The following AP3B1 variants were observed in gnomAD, a reference collection of about 807,000 sequenced individuals.
AP3B1 encodes AP-3 complex subunit beta-1.
In AP3B1, 61 loss-of-function variants were observed where a neutral mutation model predicts 132.5. The ratio of observed to expected loss-of-function variants is 0.46; its 90% confidence interval spans 0.37 to 0.57. The LOEUF (loss-of-function observed/expected upper bound fraction) is 0.57, where lower values mean the gene tolerates loss of function less well. Ranked by LOEUF, AP3B1 falls within the 20% of genes least tolerant of loss-of-function variation. The pLI is 0.00. For missense variants in AP3B1, 1,120 were observed against 1,289.4 expected (o/e 0.87, Z 2.01); for synonymous variants, 388 against 438.3 (o/e 0.89, Z 1.43).
At chr5:78,252,257 C>T (rs1747669477) in intron 2 of AP3B1, among the ~76,000 whole-genome samples, 1 of 152,102 alleles carries the variant, frequency 6.6e-6, no homozygotes, top group Non-Finnish European at 1.5e-5. Context: ...CAGCACATTC[C>T]CAGCTGTGGT....
intron 21 of AP3B1, among the ~76,000 whole-genome samples, chr5:78,095,276 G>T (rs957562458): frequency 6.6e-6 from 1 of 152,172 alleles, no homozygotes; most frequent in Non-Finnish European, 1.5e-5. Context: ...CAGTCTTCCT[G>T]GTATGCACTG....
intron 24 of AP3B1, among the ~76,000 whole-genome samples, chr5:78,021,544 T>A (rs1747100853): frequency 6.6e-6 from 1 of 152,154 alleles, no homozygotes; most frequent in South Asian, 2.1e-4. Flanking sequence ...AGGGGTAGGT[T>A]GATGAGTGTA....
chr5:78,198,167 A>C (rs1201724698), intron 7 of AP3B1, among the ~76,000 whole-genome samples: 2 of 152,290 alleles, frequency 1.3e-5, no homozygotes, highest in South Asian at 2.1e-4. Flanking sequence ...CTGAATTCCA[A>C]GGCAGCCTGA....
At chr5:78,061,122 TG>T (rs1749035824) in intron 22 of AP3B1, among the ~76,000 whole-genome samples, 1 of 150,852 alleles carries the variant, frequency 6.6e-6, no homozygotes, top group Non-Finnish European at 1.5e-5. Context: ...ACAAATAATC[TG>T]GTCAAACATA....
intron 7 of AP3B1, among the ~76,000 whole-genome samples, chr5:78,196,952 G>C (rs80320213): frequency 0.014 from 2,143 of 152,236 alleles, 57 homozygotes; most frequent in African/African-American, 0.049. Flanking sequence ...GTGTATTCAT[G>C]TTATCATATA....
chr5:78,159,262 G>A (rs751291272), intron 13 of AP3B1, among the ~76,000 whole-genome samples: 1 of 152,138 alleles, frequency 6.6e-6, no homozygotes, highest in Non-Finnish European at 1.5e-5. Flanking sequence ...ACAAGCAGAC[G>A]CAGGATTGGC....
intron 7 of AP3B1, among the ~76,000 whole-genome samples, chr5:78,193,770 A>ATATATTTTTT: frequency 2.1e-4 from 14 of 67,214 alleles, no homozygotes; most frequent in African/African-American, 6.2e-4. Flanking sequence ...ATATATATAT[A>ATATATTTTTT]TTTTTTTTTT....
intron 15 of AP3B1, among the ~76,000 whole-genome samples, chr5:78,131,519 A>G (rs1428171699): frequency 6.6e-6 from 1 of 152,044 alleles, no homozygotes; most frequent in Non-Finnish European, 1.5e-5. Flanking sequence ...CCATGTAGTC[A>G]ATAAAAAGTT....
intron 22 of AP3B1, among the ~76,000 whole-genome samples, chr5:78,053,449 A>G (rs1222511419): frequency 6.6e-6 from 1 of 152,126 alleles, no homozygotes; most frequent in African/African-American, 2.4e-5. Context: ...TGGGAGACCG[A>G]GGCCGGTGGA....
intron 1 of AP3B1, among the ~76,000 whole-genome samples, chr5:78,276,713 C>T (rs1371829729): frequency 6.6e-6 from 1 of 151,310 alleles, no homozygotes; most frequent in Non-Finnish European, 1.5e-5. Context: ...ACAAAAAAAA[C>T]AAAAAATTAG....
intron 3 of AP3B1, among the ~76,000 whole-genome samples, chr5:78,232,799 T>C (rs1372696887): frequency 6.6e-6 from 1 of 152,072 alleles, no homozygotes; most frequent in Non-Finnish European, 1.5e-5. Flanking sequence ...CTCTGCCTCC[T>C]GGGTTCAAAT....
chr5:78,276,234 G>GT (rs562289392), intron 1 of AP3B1, among the ~76,000 whole-genome samples: 4 of 151,972 alleles, frequency 2.6e-5, no homozygotes, highest in Non-Finnish European at 4.4e-5. Context: ...CCTGGCTAAT[G>GT]TTTTTTTATT....
intron 13 of AP3B1, among the ~76,000 whole-genome samples, chr5:78,161,819 A>AT (rs1191233032): frequency 6.6e-6 from 1 of 151,902 alleles, no homozygotes; most frequent in African/African-American, 2.4e-5. Context: ...TTTTGTTCCA[A>AT]TTTTTTTCAT....
chr5:78,251,216 T>G (rs1414862990), intron 2 of AP3B1, among the ~76,000 whole-genome samples: 3 of 143,718 alleles, frequency 2.1e-5, no homozygotes, highest in African/African-American at 7.6e-5. Flanking sequence ...ATCCAGACAG[T>G]TGAAACAGAT....
chr5:78,094,097 GACATAGGTTT>G (rs1580336966), intron 21 of AP3B1, among the ~76,000 whole-genome samples: 2 of 152,208 alleles, frequency 1.3e-5, no homozygotes, highest in African/African-American at 4.8e-5. Flanking sequence ...ACAATGTAAT[GACATAGGTTT>G]ACATTTCCTA....
chr5:78,153,789 T>C (rs1743001129), intron 14 of AP3B1, among the ~76,000 whole-genome samples: 1 of 152,172 alleles, frequency 6.6e-6, no homozygotes, highest in African/African-American at 2.4e-5. Flanking sequence ...ATCCATTATT[T>C]TAAACTGATG....
chr5:78,129,122 T>G lies in AP3B1; in HGVS notation c.1836A>C (p.Lys612Asn). The G allele has an allele frequency of 6.2e-7, 1 of 1,611,574 alleles. No homozygotes were observed. The highest frequency in any genetic ancestry group is 8.5e-7 in the Non-Finnish European group (1 of 1,178,740). ...TTTGGAGTTATATTCTGATAATACC[T>G]TTAAAAGGAGACTCAAGCAGTGGTG... is the stretch of plus-strand genomic sequence containing the variant. ...KPAPLLESPF[K>N]DRDHFQLGTL... Residue 612 changes from lysine (K) to asparagine (N), a missense_variant and splice_region_variant, in exon 16 of 27, where the codon AAA becomes AAC. By Grantham distance (94) the Lys-to-Asn change is moderately conservative. This residue lies in a region of AP3B1 where 906 missense variants were observed against 997.1 expected (regional missense o/e 0.91). Transcript: ENST00000255194.
intron 7 of AP3B1, among the ~76,000 whole-genome samples, chr5:78,186,462 T>C (rs530450888): frequency 6.6e-6 from 1 of 152,304 alleles, no homozygotes; most frequent in East Asian, 1.9e-4. Context: ...ATAAAGTCGG[T>C]TTGGCTATGA....
intron 2 of AP3B1, among the ~76,000 whole-genome samples, chr5:78,249,854 C>T (rs1327571350): frequency 6.6e-6 from 1 of 152,146 alleles, no homozygotes; most frequent in African/African-American, 2.4e-5. Context: ...GCTGGGATTA[C>T]AGGCATGAGC....
Sources: gnomAD v4.1 joint callset for allele counts (sites outside exome capture counted in the v4.1 genomes callset) on GRCh38, gnomAD v4.1.1 for gene constraint, gnomAD v4.1.1 regional missense constraint, MANE v1.5 for transcripts, NCBI Gene and HGNC (gene_info 2026-07-23, HGNC 2026-07-21) for gene names.